BMERB1: variants seen among roughly 807,000 people sequenced by gnomAD.
The protein encoded by BMERB1 is bMERB domain-containing protein 1.
BMERB1 carries 12 observed loss-of-function variants against 23.6 expected under a neutral mutation model. The ratio of observed to expected loss-of-function variants is 0.51; its 90% confidence interval spans 0.33 to 0.82. The LOEUF is 0.82. Among genes scored for constraint, BMERB1 ranks in the 40% least tolerant of loss-of-function variants. The pLI, the probability that BMERB1 is intolerant of heterozygous loss-of-function variation, is 0.03. For missense variants in BMERB1, 247 were observed against 255.4 expected (o/e 0.97, Z 0.22); for synonymous variants, 122 against 96.6 (o/e 1.26, Z -1.54).
In BMERB1 at chr16:15,562,258, G is replaced by A. The variant is rs1472134233; in HGVS notation, c.231-5725G>A. 4.7e-5 allele frequency among the ~76,000 whole-genome samples: 7 copies of A among 148,814 alleles called. No homozygotes were observed. In the East Asian group the frequency reaches 1.2e-3, roughly 25 times the overall value. On this transcript the variant is annotated intron_variant, in intron 2 of 5. Coordinates refer to ENST00000300006, the MANE Select transcript of BMERB1 (RefSeq NM_033201.3). ...GCAAAGGTTGCAATGAGCCAAGATCGCGCCATTGCACTCCAGCCTAGGCAA... is the reference window on the plus strand; with the variant it reads ...GCAAAGGTTGCAATGAGCCAAGATCACGCCATTGCACTCCAGCCTAGGCAA...
At chr16:15,568,800 C>T (rs1402112916) in intron 3 of BMERB1, among the ~76,000 whole-genome samples, 1 of 152,142 alleles carries the variant, frequency 6.6e-6, no homozygotes, top group Non-Finnish European at 1.5e-5. Flanking sequence ...CAAACTCTAA[C>T]TTTGAAGTCA....
At chr16:15,514,769 G>A (rs111829299) in intron 1 of BMERB1, among the ~76,000 whole-genome samples, 4,412 of 151,726 alleles carry the variant, frequency 0.029, 204 homozygotes, top group South Asian at 0.11. Context: ...GGGCAACAGA[G>A]CAGGACTGTG....
intron 1 of BMERB1, among the ~76,000 whole-genome samples, chr16:15,497,076 A>G (rs1001237151): frequency 6.6e-6 from 1 of 152,186 alleles, no homozygotes; most frequent in Non-Finnish European, 1.5e-5. Context: ...AGGACAGGCA[A>G]TCCTGCTGAC....
intron 1 of BMERB1, among the ~76,000 whole-genome samples, chr16:15,501,475 GTTC>G (rs2051529673): frequency 6.7e-6 from 1 of 149,896 alleles, no homozygotes; most frequent in Non-Finnish European, 1.5e-5. Flanking sequence ...TTTGTTTGTT[GTTC>G]TTGTTGTTCT....
rs533273143 is a variant in BMERB1, at chr16:15,533,635, A to T, written c.230+18207A>T. Among the ~76,000 whole-genome samples the T allele has an allele frequency of 2.6e-5, 4 of 152,274 alleles. No individual in the cohort carries two copies. The East Asian group carries it at 5.8e-4, about 22-fold the overall frequency. On this transcript the variant is annotated intron_variant, in intron 2 of 5. Coordinates refer to ENST00000300006, the MANE Select transcript of BMERB1 (RefSeq NM_033201.3). ...GGCCAATCAGAGTCTTTCTCCTGGGATGCAGAGAGATTAGCCCAGGTGGAT... is the reference window on the plus strand; with the variant it reads ...GGCCAATCAGAGTCTTTCTCCTGGGTTGCAGAGAGATTAGCCCAGGTGGAT...
chr16:15,462,366 C>A (rs957935301), intron 1 of BMERB1, among the ~76,000 whole-genome samples: 5 of 151,898 alleles, frequency 3.3e-5, no homozygotes, highest in Admixed American at 6.6e-5. Context: ...GTTGGCCAGG[C>A]TGGTCTTGAA....
rs202033449 is a variant in BMERB1, at chr16:15,464,332, AG to A, written c.106+29575del. 9.6e-3 allele frequency among the ~76,000 whole-genome samples: 1,423 copies of A among 148,258 alleles called. 13 individuals carry two copies. Among genetic ancestry groups the A allele is most frequent in the Non-Finnish European group, 0.012 (830 of 67,218 alleles). On this transcript the variant is annotated intron_variant, in intron 1 of 5. Transcript: ENST00000300006. ...CATCTTAAAAAAAAAAAAAAAAAAA[AG>A]GATTCCAAAGAATGTCAGGTATGGT...
intron 1 of BMERB1, among the ~76,000 whole-genome samples, chr16:15,513,381 GC>G (rs528552098): frequency 4.8e-4 from 73 of 152,230 alleles, no homozygotes; most frequent in African/African-American, 1.7e-3. Context: ...CCATGCTGCT[GC>G]CGAGGAAGAC....
intron 1 of BMERB1, among the ~76,000 whole-genome samples, chr16:15,481,770 G>T (rs747269005): frequency 6.5e-4 from 98 of 149,872 alleles, no homozygotes; most frequent in Admixed American, 1.3e-3. Flanking sequence ...CCCTCAGGCT[G>T]GAGTGCAATA....
intron 1 of BMERB1, among the ~76,000 whole-genome samples, chr16:15,466,415 CT>C (rs528246218): frequency 2.5e-4 from 37 of 150,504 alleles, no homozygotes; most frequent in African/African-American, 7.8e-4. Flanking sequence ...CCCTTTTGCC[CT>C]TTTTTTTTCT....
In BMERB1 at chr16:15,495,475, C is replaced by T. The variant is rs112807102; in HGVS notation, c.107-19830C>T. Among the ~76,000 whole-genome samples, 796 of 152,218 alleles carry T rather than the reference C, an allele frequency of 5.2e-3. 3 individuals are homozygous for T. The highest frequency in any genetic ancestry group is 6.9e-3 in the Non-Finnish European group (470 of 68,006). ...CCGCCTCCCGGGTTCACACCATTCTCCTGCCTCAGCCTCCCAAGTAGCTGG... is the reference window on the plus strand; with the variant it reads ...CCGCCTCCCGGGTTCACACCATTCTTCTGCCTCAGCCTCCCAAGTAGCTGG... On this transcript the variant is annotated intron_variant, in intron 1 of 5. Coordinates refer to ENST00000300006, the MANE Select transcript of BMERB1 (RefSeq NM_033201.3).
chr16:15,497,948 C>T (rs1011642029), intron 1 of BMERB1, among the ~76,000 whole-genome samples: 1 of 152,204 alleles, frequency 6.6e-6, no homozygotes, highest in African/African-American at 2.4e-5. Context: ...GCTTCTCCAC[C>T]TTTAATGTGA....
intron 2 of BMERB1, among the ~76,000 whole-genome samples, chr16:15,522,731 G>A (rs931447927): frequency 6.6e-6 from 1 of 152,044 alleles, no homozygotes; most frequent in African/African-American, 2.4e-5. Flanking sequence ...TGTCGGAGTG[G>A]CTCGCTTCTT....
At chr16:15,568,449 C>T (rs1256269380) in intron 3 of BMERB1, among the ~76,000 whole-genome samples, 1 of 152,008 alleles carries the variant, frequency 6.6e-6, no homozygotes, top group African/African-American at 2.4e-5. Context: ...GCCAGCCTGG[C>T]CAACATGGCA....
intron 1 of BMERB1, among the ~76,000 whole-genome samples, chr16:15,505,532 A>G (rs977041601): frequency 5.9e-5 from 9 of 152,180 alleles, no homozygotes; most frequent in African/African-American, 2.2e-4. Flanking sequence ...TAATTATGCC[A>G]AGTAAGAGTC....
intron 2 of BMERB1, among the ~76,000 whole-genome samples, chr16:15,540,226 AT>A (rs1182627114): frequency 6.6e-6 from 1 of 152,160 alleles, no homozygotes; most frequent in African/African-American, 2.4e-5. Context: ...GAGAATCAAC[AT>A]AAAGAAAAGT....
chr16:15,488,049 A>G (rs573902077), intron 1 of BMERB1, among the ~76,000 whole-genome samples: 90 of 152,228 alleles, frequency 5.9e-4, no homozygotes, highest in African/African-American at 2.0e-3. Flanking sequence ...ACCTCCTGGG[A>G]ATGCAGCCCA....
At chr16:15,446,120 A>G (rs2050987019) in intron 1 of BMERB1, among the ~76,000 whole-genome samples, 1 of 152,210 alleles carries the variant, frequency 6.6e-6, no homozygotes, top group African/African-American at 2.4e-5. Context: ...TTAGCTGGGC[A>G]TAGTGGCCCA....
chr16:15,527,997 C>A (rs1567485613), intron 2 of BMERB1, among the ~76,000 whole-genome samples: 1 of 152,188 alleles, frequency 6.6e-6, no homozygotes, highest in Non-Finnish European at 1.5e-5. Flanking sequence ...GGCCACCACC[C>A]AGGTTCACAT....
Sources: gnomAD v4.1 joint callset for allele counts (sites outside exome capture counted in the v4.1 genomes callset) on GRCh38, gnomAD v4.1.1 for gene constraint, MANE v1.5 for transcripts, NCBI Gene and HGNC (gene_info 2026-07-23, HGNC 2026-07-21) for gene names.